The following ADARB2 variants were observed in gnomAD, a reference collection of about 807,000 sequenced individuals.
ADARB2 encodes the protein inactive double-stranded RNA-specific editase B2.
A neutral mutation model predicts 62.2 loss-of-function variants in ADARB2; 25 were observed. That is an observed-to-expected ratio of 0.40 (90% CI 0.29 to 0.56). ADARB2 has a LOEUF of 0.56. ADARB2 is among the 20% of genes least tolerant of loss of function. ADARB2 has a pLI of 0.43. For synonymous variants in ADARB2, 572 were observed against 500.8 expected, an observed-to-expected ratio of 1.14 and a Z score of -1.90; for missense variants, 1,071 against 1,077.4, an observed-to-expected ratio of 0.99 and a Z score of 0.08.
At chr10:1,344,174 C>T (rs574647066) in intron 3 of ADARB2, among the ~76,000 whole-genome samples, 17 of 152,258 alleles carry the variant, frequency 1.1e-4, no homozygotes, top group African/African-American at 4.1e-4. Flanking sequence ...TGTAAGATAA[C>T]GGACAGGGTC....
chr10:1,515,811 G>C (rs999793744), intron 1 of ADARB2, among the ~76,000 whole-genome samples: 2 of 152,238 alleles, frequency 1.3e-5, no homozygotes, highest in Non-Finnish European at 2.9e-5. Context: ...CTGCAGCAAT[G>C]ATGCTATTCT....
intron 1 of ADARB2, among the ~76,000 whole-genome samples, chr10:1,630,816 G>A (rs1833832588): frequency 6.6e-6 from 1 of 152,118 alleles, no homozygotes; most frequent in Non-Finnish European, 1.5e-5. Context: ...TTAGCCAGGT[G>A]TGGTGGTGGG....
At chr10:1,519,935 A>C (rs752906340) in intron 1 of ADARB2, among the ~76,000 whole-genome samples, 4 of 152,150 alleles carry the variant, frequency 2.6e-5, no homozygotes, top group Non-Finnish European at 5.9e-5. Context: ...CCAACTGGAA[A>C]TGTCTTTTCA....
intron 3 of ADARB2, among the ~76,000 whole-genome samples, chr10:1,353,467 C>T (rs1026613557): frequency 5.3e-5 from 8 of 152,182 alleles, no homozygotes; most frequent in African/African-American, 1.9e-4. Flanking sequence ...ACAGCCCTCA[C>T]CTTTACCCTC....
chr10:1,536,305 G>A (rs1172619175), intron 1 of ADARB2, among the ~76,000 whole-genome samples: 2 of 152,216 alleles, frequency 1.3e-5, no homozygotes, highest in Non-Finnish European at 2.9e-5. Flanking sequence ...CCAGGAAGGG[G>A]CCTTCATGGC....
At chr10:1,456,820 A>C (rs1831101772) in intron 1 of ADARB2, among the ~76,000 whole-genome samples, 1 of 152,144 alleles carries the variant, frequency 6.6e-6, no homozygotes, top group South Asian at 2.1e-4. Flanking sequence ...TTTGAGACAG[A>C]GTCTCGCACT....
chr10:1,715,764 G>A (rs555178370), intron 1 of ADARB2, among the ~76,000 whole-genome samples: 6 of 152,372 alleles, frequency 3.9e-5, no homozygotes, highest in African/African-American at 1.4e-4. Context: ...GTGCCGCTGA[G>A]GAAGCCAGGA....
intron 3 of ADARB2, among the ~76,000 whole-genome samples, chr10:1,280,068 G>A (rs1474816363): frequency 6.6e-6 from 1 of 152,142 alleles, no homozygotes. Flanking sequence ...AATGTCTGTG[G>A]CAGCATCACC....
At position 1,515,560 on chromosome 10, in the gene ADARB2, C is replaced by T. The variant is rs577849592; in HGVS notation, c.101-136400G>A. ...GAGAAGCTGAAGGCGTGGGAAAACCCGCCAGCCTTGGGAGGCTCCCCAGGC... is the reference window on the plus strand; with the variant it reads ...GAGAAGCTGAAGGCGTGGGAAAACCTGCCAGCCTTGGGAGGCTCCCCAGGC... On this transcript the variant is annotated intron_variant, in intron 1 of 9. Transcript: ENST00000381312. Among the ~76,000 whole-genome samples, 13 of 152,328 alleles carry T rather than the reference C, an allele frequency of 8.5e-5. No homozygotes were observed. In the East Asian group the frequency reaches 9.6e-4, roughly 11 times the overall value.
intron 1 of ADARB2, among the ~76,000 whole-genome samples, chr10:1,464,216 C>T (rs1192169865): frequency 2.4e-5 from 3 of 125,852 alleles, no homozygotes; most frequent in Admixed American, 7.9e-5. Flanking sequence ...CCCCCACACA[C>T]GCGCTGGGGA....
In ADARB2 at chr10:1,667,410, G is replaced by T. The variant is rs113155478; in HGVS notation, c.100+69641C>A. Among the ~76,000 whole-genome samples, 789 of 152,238 alleles carry T rather than the reference G, an allele frequency of 5.2e-3. 7 individuals are homozygous for T. Among genetic ancestry groups the T allele is most frequent in the African/African-American group, 0.018 (766 of 41,522 alleles). On this transcript the variant is annotated intron_variant, in intron 1 of 9. Coordinates refer to ENST00000381312, the MANE Select transcript of ADARB2 (RefSeq NM_018702.4). ...ACTCACATATAGGATATGTAAAATTGCATACAAAATTGCAAATGGGGTTCT... is the reference window on the plus strand; with the variant it reads ...ACTCACATATAGGATATGTAAAATTTCATACAAAATTGCAAATGGGGTTCT...
intron 3 of ADARB2, among the ~76,000 whole-genome samples, chr10:1,336,552 G>A (rs1252914962): frequency 3.9e-5 from 6 of 152,114 alleles, no homozygotes; most frequent in African/African-American, 1.4e-4. Context: ...AGCCATGGGA[G>A]GAAAATGAAG....
intron 8 of ADARB2, among the ~76,000 whole-genome samples, chr10:1,189,973 A>G (rs962852743): frequency 2.0e-5 from 3 of 151,962 alleles, no homozygotes; most frequent in African/African-American, 7.3e-5. Context: ...TCACAGCACA[A>G]AATGTCTCCT....
chr10:1,508,367 G>A (rs1348577745), intron 1 of ADARB2, among the ~76,000 whole-genome samples: 1 of 152,240 alleles, frequency 6.6e-6, no homozygotes, highest in Non-Finnish European at 1.5e-5. Flanking sequence ...CATGAAGCTT[G>A]TTTCCTTCTC....
At chr10:1,277,677 A>G (rs138283115) in intron 3 of ADARB2, among the ~76,000 whole-genome samples, 38,434 of 152,122 alleles carry the variant, frequency 0.25, 6,071 homozygotes, top group South Asian at 0.5. Context: ...CCAGAGGTAG[A>G]AGGAGGAGCT....
At chr10:1,658,529 C>T (rs986858878) in intron 1 of ADARB2, among the ~76,000 whole-genome samples, 5 of 151,678 alleles carry the variant, frequency 3.3e-5, no homozygotes, top group South Asian at 2.1e-4. Context: ...GCCTGATTCG[C>T]GTCTCTCTCT....
At chr10:1,591,460 G>A (rs574080046) in intron 1 of ADARB2, among the ~76,000 whole-genome samples, 1 of 152,336 alleles carries the variant, frequency 6.6e-6, no homozygotes, top group African/African-American at 2.4e-5. Context: ...CATCGAGACA[G>A]TGGGGCTGCA....
intron 2 of ADARB2, among the ~76,000 whole-genome samples, chr10:1,369,421 T>G (rs1450220549): frequency 6.6e-6 from 1 of 152,076 alleles, no homozygotes; most frequent in Non-Finnish European, 1.5e-5. Context: ...CCTCCCCTCT[T>G]CATGCTGCCC....
At chr10:1,247,492 G>C (rs149527732) in intron 4 of ADARB2, among the ~76,000 whole-genome samples, 5 of 152,106 alleles carry the variant, frequency 3.3e-5, no homozygotes, top group East Asian at 1.9e-4. Flanking sequence ...TTATTATTTT[G>C]AGATACGTCC....
Sources: gnomAD v4.1 joint callset for allele counts (sites outside exome capture counted in the v4.1 genomes callset) on GRCh38, gnomAD v4.1.1 for gene constraint, MANE v1.5 for transcripts, NCBI Gene and HGNC (gene_info 2026-07-23, HGNC 2026-07-21) for gene names.